Variants in MLF1 observed in about 807,000 individuals in gnomAD.
MLF1 encodes the protein myelodysplasia-myeloid leukemia factor 1.
A neutral mutation model predicts 38.3 loss-of-function variants in MLF1; 37 were observed. That is an observed-to-expected ratio of 0.96 (90% CI 0.74 to 1.27). The LOEUF is 1.27. MLF1 is among the 50% of genes most tolerant of loss of function. The pLI is 0.00. For missense variants in MLF1, 331 were observed against 349.2 expected, an observed-to-expected ratio of 0.95 and a Z score of 0.42; for synonymous variants, 95 against 106.5, an observed-to-expected ratio of 0.89 and a Z score of 0.66.
chr3:158,598,236 T>A, intron 5 of MLF1, 28 bp downstream of exon 5: 7 of 1,602,796 alleles, frequency 4.4e-6, no homozygotes, highest in Non-Finnish European at 5.9e-6. Context: ...ATTCCTAAAG[T>A]TTTATAAAGT....
At chr3:158,593,009 G>A (rs1478017441) in intron 2 of MLF1, among the ~76,000 whole-genome samples, 2 of 152,052 alleles carry the variant, frequency 1.3e-5, no homozygotes, top group Non-Finnish European at 2.9e-5. Flanking sequence ...TCTTCTATAT[G>A]GTTACGTATG....
chr3:158,582,047 G>T (rs924998448), intron 1 of MLF1, among the ~76,000 whole-genome samples: 1 of 152,132 alleles, frequency 6.6e-6, no homozygotes, highest in African/African-American at 2.4e-5. Flanking sequence ...GGGCGTGGTG[G>T]TGCATGCCTG....
intron 1 of MLF1, among the ~76,000 whole-genome samples, chr3:158,572,827 A>T (rs1714744468): frequency 6.8e-6 from 1 of 147,488 alleles, no homozygotes; most frequent in Admixed American, 6.7e-5. Flanking sequence ...ATGGTTGAGG[A>T]CGTGAGGTAG....
intron 3 of MLF1, among the ~76,000 whole-genome samples, chr3:158,595,492 T>G (rs79577431): frequency 2.4e-3 from 370 of 152,246 alleles, no homozygotes; most frequent in African/African-American, 8.7e-3. Flanking sequence ...TCTTTTCCTC[T>G]CTCTCTTTTT....
At chr3:158,578,054 G>T (rs1170745885) in intron 1 of MLF1, among the ~76,000 whole-genome samples, 1 of 152,054 alleles carries the variant, frequency 6.6e-6, no homozygotes, top group Non-Finnish European at 1.5e-5. Context: ...TAGATGTCTT[G>T]GTTCCTGCCC....
In MLF1 at chr3:158,593,395, C is replaced by T. The variant is rs1265852842; in HGVS notation, c.209C>T (p.Ser70Phe). The T allele has an allele frequency of 1.9e-6, 3 of 1,559,042 alleles. No homozygotes were observed. Among genetic ancestry groups the T allele is most frequent in the Non-Finnish European group, 2.6e-6 (3 of 1,158,620 alleles). Residue 70 changes from serine (S) to phenylalanine (F), a missense_variant, in exon 3 of 8, where the codon TCT becomes TTT. Physicochemically the swap from Ser to Phe is radical, Grantham distance 155. Transcript: ENST00000466246. The part of the protein sequence containing the change: ...GEDSLTATSC[S>F]LVPFGDFGGM... ...TTATTTTTCCAGGCAACGAGTTGTT[C>T]TCTTGTGCCTTTTGGCGATTTTGGT... is the stretch of plus-strand genomic sequence containing the variant.
chr3:158,600,022 A>G lies in MLF1; in HGVS notation c.462A>G (p.Glu154=). Residue 154 remains glutamate (E), a synonymous_variant, in exon 6 of 8, where the codon GAA becomes GAG. Coordinates refer to ENST00000466246, the MANE Select transcript of MLF1 (RefSeq NM_001369783.1). Reference sequence around the variant, plus strand: ...TTTCTTTATTTTTACAGATAAAGGAAACCAGGAAAGCAATGAGAGATTCTG... The same window carrying G: ...TTTCTTTATTTTTACAGATAAAGGAGACCAGGAAAGCAATGAGAGATTCTG... ...QTRRAPGGIK[E]TRKAMRDSDS... 1 of 1,394,322 alleles carries G rather than the reference A, an allele frequency of 7.2e-7. No individual in the cohort carries two copies. Among genetic ancestry groups the G allele is most frequent in the Non-Finnish European group, 9.4e-7 (1 of 1,068,054 alleles). 86.4% of individuals were successfully genotyped at this position (1,394,322 alleles called of 1,614,324 possible). A position where few individuals can be genotyped will look rare whatever the true frequency, so the allele number is the denominator to read the frequency against.
chr3:158,592,462 A>G lies in MLF1; in HGVS notation c.76A>G (p.Met26Val). The G allele has an allele frequency of 1.2e-6, 2 of 1,610,708 alleles. No homozygotes were observed. Reference protein sequence around the residue: ...SESILAHRENMRQMIRSFSEP... With the variant: ...SESILAHRENVRQMIRSFSEP... Reference sequence around the variant, plus strand: ...GTCCATTCTTGCACACCGAGAAAATATGCGACAGATGATAAGAAGTTTTTC... The same window carrying G: ...GTCCATTCTTGCACACCGAGAAAATGTGCGACAGATGATAAGAAGTTTTTC... The change falls in exon 2 of 8, where the codon ATG (methionine) becomes GTG (valine). Residue 26 changes from methionine to valine, a missense_variant. Met to Val is a conservative substitution (Grantham distance 21). Coordinates refer to ENST00000466246, the MANE Select transcript of MLF1 (RefSeq NM_001369783.1).
chr3:158,584,660 TGTGTG>T (rs1459737332), intron 1 of MLF1, among the ~76,000 whole-genome samples: 1 of 20,824 alleles, frequency 4.8e-5, no homozygotes, highest in Non-Finnish European at 9.5e-5. Context: ...ATAAAGAAAG[TGTGTG>T]TGTGTGTGTG....
chr3:158,591,430 G>C (rs2108614429), intron 1 of MLF1, among the ~76,000 whole-genome samples: 1 of 152,218 alleles, frequency 6.6e-6, no homozygotes, highest in Non-Finnish European at 1.5e-5. Context: ...AAAGTGCGGG[G>C]ATTACAGGCA....
intron 1 of MLF1, among the ~76,000 whole-genome samples, chr3:158,575,488 C>G (rs1715288559): frequency 6.6e-6 from 1 of 152,140 alleles, no homozygotes; most frequent in South Asian, 2.1e-4. Context: ...ATTTGACCCA[C>G]CCGTTTTACC....
chr3:158,571,318 C>T lies in MLF1; in HGVS notation c.18C>T (p.Asn6=). The part of the protein sequence containing the change: MFRML[N]SSFEDDPFFS... ...GAGCCAGAATGTTCAGGATGCTGAA[C>T]AGCAGTTTTGAGGATGACCCCTTCT... Residue 6 remains asparagine (N), a synonymous_variant, in exon 1 of 8, where the codon AAC becomes AAT. Coordinates refer to ENST00000466246, the MANE Select transcript of MLF1 (RefSeq NM_001369783.1). 1.2e-6 allele frequency: 2 copies of T among 1,613,088 alleles called. No individual in the cohort carries two copies. The highest frequency in any genetic ancestry group is 1.7e-6 in the Non-Finnish European group (2 of 1,179,836).
chr3:158,578,850 C>G (rs936236391), intron 1 of MLF1, among the ~76,000 whole-genome samples: 2 of 151,922 alleles, frequency 1.3e-5, no homozygotes, highest in Non-Finnish European at 2.9e-5. Context: ...ATAATACAAC[C>G]CATTATTTTG....
At chr3:158,574,406 G>T (rs138570050) in intron 1 of MLF1, among the ~76,000 whole-genome samples, 1 of 150,180 alleles carries the variant, frequency 6.7e-6, no homozygotes, top group Non-Finnish European at 1.5e-5. Flanking sequence ...GGTGGCTCAC[G>T]CTTGTAATTC....
At chr3:158,578,253 C>T (rs1715772957) in intron 1 of MLF1, among the ~76,000 whole-genome samples, 1 of 151,980 alleles carries the variant, frequency 6.6e-6, no homozygotes, top group African/African-American at 2.4e-5. Context: ...GAGGAATTTC[C>T]CTTAATGAGT....
At chr3:158,598,283 A>AG in intron 5 of MLF1, 75 bp downstream of exon 5, 2 of 1,378,066 alleles carry the variant, frequency 1.5e-6, no homozygotes, top group Non-Finnish European at 2.0e-6. Context: ...AATTTTAACT[A>AG]TTAAAATTTA....
At chr3:158,587,924 C>A (rs1009991429) in intron 1 of MLF1, among the ~76,000 whole-genome samples, 2 of 152,162 alleles carry the variant, frequency 1.3e-5, no homozygotes, top group African/African-American at 4.8e-5. Flanking sequence ...TGGCATGAAC[C>A]TGGGAGGTAG....
In MLF1 at chr3:158,605,143, A is replaced by T. The variant is rs775271526; in HGVS notation, c.793A>T (p.Asn265Tyr). The T allele has an allele frequency of 8.1e-6, 13 of 1,613,938 alleles. No individual in the cohort carries two copies. Among genetic ancestry groups the T allele is most frequent in the Non-Finnish European group, 1.1e-5 (13 of 1,179,938 alleles). The change falls in exon 8 of 8, where the codon AAT (asparagine) becomes TAT (tyrosine). Residue 265 changes from asparagine to tyrosine, a missense_variant. Asn to Tyr is a moderately radical substitution (Grantham distance 143). Transcript: ENST00000466246. ...AGCCATTGAACATGGAAGGAGATCA[A>T]ATGTTTTGGGGGACAAACTCCACAT... ...SPAIEHGRRS[N>Y]VLGDKLHIKG...
At chr3:158,600,499 A>G (rs1719589794) in intron 6 of MLF1, among the ~76,000 whole-genome samples, 1 of 151,360 alleles carries the variant, frequency 6.6e-6, no homozygotes, top group Non-Finnish European at 1.5e-5. Context: ...TTTGAAAAGT[A>G]TAAAGACAAA....
Sources: allele counts gnomAD v4.1 joint callset (sites outside exome capture counted in the v4.1 genomes callset), GRCh38; gene constraint gnomAD v4.1.1; transcripts MANE v1.5; gene names NCBI Gene and HGNC (gene_info 2026-07-23, HGNC 2026-07-21).